PHACTR4: variants seen among roughly 807,000 people sequenced by gnomAD.
The protein encoded by PHACTR4 is phosphatase and actin regulator 4.
Under a neutral mutation model 72.7 loss-of-function variants are expected in PHACTR4, and 51 were observed. The ratio of observed to expected loss-of-function variants is 0.70; its 90% CI spans 0.56 to 0.89. The LOEUF is 0.89. Ranked by LOEUF, PHACTR4 falls within the 40% of genes least tolerant of loss-of-function variation. The pLI is 0.00. For missense variants in PHACTR4, 731 were observed against 861.8 expected, an observed-to-expected ratio of 0.85 and a Z score of 1.90; for synonymous variants, 255 against 302.5, an observed-to-expected ratio of 0.84 and a Z score of 1.63.
intron 10 of PHACTR4, chr1:28,489,808 C>A (rs754233095): frequency 1.9e-6 from 1 of 519,028 alleles, no homozygotes; most frequent in Non-Finnish European, 3.8e-6. Flanking sequence ...AAAGTCTCCT[C>A]ACTGAGAAGG....
chr1:28,391,858 A>G (rs1465544234), intron 1 of PHACTR4, among the ~76,000 whole-genome samples: 1 of 151,952 alleles, frequency 6.6e-6, no homozygotes, highest in Non-Finnish European at 1.5e-5. Flanking sequence ...CTGCCTGCCT[A>G]AGCCTCCCAA....
At chr1:28,457,365 C>T (rs557323936) in intron 2 of PHACTR4, 14 of 436,052 alleles carry the variant, frequency 3.2e-5, no homozygotes, top group Non-Finnish European at 6.0e-5. Flanking sequence ...GGAGGCCAAG[C>T]AGGGAGGATC....
In PHACTR4 at chr1:28,447,519, A is replaced by G. The variant is rs558963188; in HGVS notation, c.17-11566A>G. ...ATTCTCCTGCCTCAGCCTCCCAAGTAGCTGGCATTACAGGTGCCCACCACC... is the reference window on the plus strand; with the variant it reads ...ATTCTCCTGCCTCAGCCTCCCAAGTGGCTGGCATTACAGGTGCCCACCACC... On this transcript the variant is annotated intron_variant, in intron 2 of 13. Transcript: ENST00000373839. Among the ~76,000 whole-genome samples, 4 of 151,314 alleles carry G rather than the reference A, an allele frequency of 2.6e-5. No homozygotes were observed. In the East Asian group the frequency reaches 7.8e-4, roughly 30 times the overall value.
intron 4 of PHACTR4, among the ~76,000 whole-genome samples, chr1:28,462,819 C>T (rs1046288828): frequency 6.6e-6 from 1 of 152,166 alleles, no homozygotes; most frequent in Non-Finnish European, 1.5e-5. Flanking sequence ...TATCTAAAAA[C>T]AGGGATGGGC....
chr1:28,377,966 G>T (rs1651813724), intron 1 of PHACTR4, among the ~76,000 whole-genome samples: 1 of 152,034 alleles, frequency 6.6e-6, no homozygotes. Flanking sequence ...GGGAGGCTGA[G>T]GCGGGCGGAT....
intron 8 of PHACTR4, among the ~76,000 whole-genome samples, chr1:28,479,192 A>G (rs1029646291): frequency 4.6e-5 from 7 of 151,644 alleles, no homozygotes; most frequent in Non-Finnish European, 8.8e-5. Flanking sequence ...AGGCCGAGGC[A>G]GGCGGATCAC....
chr1:28,445,183 G>C (rs1657361376), intron 2 of PHACTR4, among the ~76,000 whole-genome samples: 1 of 152,068 alleles, frequency 6.6e-6, no homozygotes, highest in Admixed American at 6.6e-5. Context: ...CTGAACTCCT[G>C]ACCTCATGAT....
chr1:28,444,715 A>G (rs1657313327), intron 2 of PHACTR4, among the ~76,000 whole-genome samples: 1 of 149,164 alleles, frequency 6.7e-6, no homozygotes, highest in Non-Finnish European at 1.5e-5. Flanking sequence ...TCCCGGGTTC[A>G]CGCCATTCTC....
intron 1 of PHACTR4, among the ~76,000 whole-genome samples, chr1:28,385,444 C>T (rs7527670): frequency 0.39 from 57,952 of 149,876 alleles, 12,828 homozygotes; most frequent in African/African-American, 0.6. Flanking sequence ...CTTGAAAGGC[C>T]GAGACAGGAG....
At chr1:28,383,450 C>G (rs1238460271) in intron 1 of PHACTR4, among the ~76,000 whole-genome samples, 1 of 152,062 alleles carries the variant, frequency 6.6e-6, no homozygotes, top group Admixed American at 6.6e-5. Context: ...CAGTGCGGCC[C>G]TTTTAACAAT....
chr1:28,393,360 A>C (rs1653209402), intron 1 of PHACTR4, among the ~76,000 whole-genome samples: 1 of 152,214 alleles, frequency 6.6e-6, no homozygotes, highest in Admixed American at 6.6e-5. Flanking sequence ...GCAAACCACT[A>C]TAGTAGGCTC....
intron 1 of PHACTR4, among the ~76,000 whole-genome samples, chr1:28,394,344 G>A (rs897386222): frequency 6.6e-6 from 1 of 150,932 alleles, no homozygotes; most frequent in African/African-American, 2.4e-5. Flanking sequence ...AGAGAGAAAG[G>A]AAGGAAAGGA....
At chr1:28,480,072 G>C (rs1340391378) in intron 8 of PHACTR4, among the ~76,000 whole-genome samples, 1 of 152,186 alleles carries the variant, frequency 6.6e-6, no homozygotes, top group Non-Finnish European at 1.5e-5. Context: ...ATTGAGTCCT[G>C]ATTAATTGAA....
chr1:28,449,253 G>A (rs1302280714), intron 2 of PHACTR4, among the ~76,000 whole-genome samples: 1 of 152,170 alleles, frequency 6.6e-6, no homozygotes, highest in Non-Finnish European at 1.5e-5. Flanking sequence ...GAGACCAGGA[G>A]TTTGAGGCTG....
Position 28,459,152 on chromosome 1 carries a change from A to T in PHACTR4, c.84A>T (p.Thr28=). The part of the protein sequence containing the change: ...VLDSVEAGDT[T]PPTKRKSKFS... ...ACAGTGTGGAAGCAGGAGACACAAC[A>T]CCTCCTACCAAAAGGAAGAGCAAGT... The change falls in exon 3 of 14, where the codon ACA becomes ACT. Residue 28 remains threonine, a synonymous_variant. Coordinates refer to ENST00000373839, the MANE Select transcript of PHACTR4 (RefSeq NM_001048183.3). 1.2e-6 allele frequency: 2 copies of T among 1,613,760 alleles called. No individual in the cohort carries two copies. The highest frequency in any genetic ancestry group is 1.7e-6 in the Non-Finnish European group (2 of 1,179,862).
intron 2 of PHACTR4, among the ~76,000 whole-genome samples, chr1:28,430,735 A>G (rs1209961282): frequency 6.6e-6 from 1 of 152,202 alleles, no homozygotes; most frequent in Non-Finnish European, 1.5e-5. Context: ...GCCATAAGAA[A>G]GAAGTATGCT....
At chr1:28,439,989 A>T (rs1313703842) in intron 2 of PHACTR4, among the ~76,000 whole-genome samples, 1 of 152,132 alleles carries the variant, frequency 6.6e-6, no homozygotes, top group Non-Finnish European at 1.5e-5. Flanking sequence ...CCCATCTAAG[A>T]TCTATATACT....
intron 4 of PHACTR4, among the ~76,000 whole-genome samples, chr1:28,461,930 T>C (rs754287183): frequency 1.2e-4 from 18 of 151,976 alleles, no homozygotes; most frequent in Non-Finnish European, 2.4e-4. Flanking sequence ...TTTTTTTACA[T>C]TAGGACACAA....
At chr1:28,458,826 G>A (rs1216948343) in intron 2 of PHACTR4, among the ~76,000 whole-genome samples, 1 of 152,086 alleles carries the variant, frequency 6.6e-6, no homozygotes, top group East Asian at 1.9e-4. Context: ...ATTTTGAGCC[G>A]GCTCTGATCA....
Sources: allele counts gnomAD v4.1 joint callset (sites outside exome capture counted in the v4.1 genomes callset), GRCh38; gene constraint gnomAD v4.1.1; transcripts MANE v1.5; gene names NCBI Gene and HGNC (gene_info 2026-07-23, HGNC 2026-07-21).